Variants in POTEI observed in about 807,000 individuals in gnomAD.
POTEI encodes the protein POTE ankyrin domain family member I, also known as POTE ankyrin domain family, member I.
Under a neutral mutation model 43.4 loss-of-function variants are expected in POTEI, and 14 were observed. That is an observed-to-expected ratio of 0.32 (90% CI 0.21 to 0.50). The LOEUF is 0.50. Among genes scored for constraint, POTEI ranks in the 20% least tolerant of loss-of-function variants. The probability of loss-of-function intolerance (pLI) is 0.98; values close to 1 mark genes in which losing one functional copy is unlikely to be tolerated. For synonymous variants in POTEI, 95 were observed against 297.9 expected, an observed-to-expected ratio of 0.32 and a Z score of 7.01; for missense variants, 235 against 795.4, an observed-to-expected ratio of 0.30 and a Z score of 8.47.
chr2:130,483,599 G>GTTT (rs1319437395), intron 9 of POTEI, among the ~76,000 whole-genome samples: 5 of 29,172 alleles, frequency 1.7e-4, no homozygotes, highest in African/African-American at 5.7e-4. Flanking sequence ...TGTCAAACTT[G>GTTT]TTTTTTTTTT....
At chr2:130,490,213 CCA>C (rs1683691751) in intron 7 of POTEI, among the ~76,000 whole-genome samples, 1 of 100,788 alleles carries the variant, frequency 9.9e-6, no homozygotes, top group African/African-American at 3.5e-5. Context: ...AGCTCAGGGA[CCA>C]TCAGAGTTAC....
Position 130,479,287 on chromosome 2 carries a change from CA to C in POTEI, c.1481-2587del, listed in dbSNP as rs773220082. ...TTTCTTACAGGAAAAAAAAATTAAG[CA>C]AAACAAGTGAAAAAGGCATAACGAA... On this transcript the variant is annotated intron_variant, in intron 10 of 14. Transcript: ENST00000451531. Among the ~76,000 whole-genome samples the C allele has an allele frequency of 9.2e-4, 139 of 151,248 alleles. 1 individual carries two copies. Among genetic ancestry groups the C allele is most frequent in the Non-Finnish European group, 1.8e-3 (119 of 67,956 alleles).
At position 130,459,992 on chromosome 2, in the gene POTEI, T is replaced by C. The variant is rs1682575454; in HGVS notation, c.*2824A>G. The stretch of plus-strand genomic sequence containing the variant: ...GCAAGTAAAGCAAAACCCACCCGTG[T>C]AAACACACACAGCAAAGTGATTTAG... On this transcript the variant is annotated 3_prime_UTR_variant, in exon 15 of 15. Transcript: ENST00000451531. 6.8e-6 allele frequency: 1 copy of C among 147,812 alleles called. No individual in the cohort carries two copies. The allele number at this position is 147,812 out of a possible 1,614,324, so 9.2% of individuals were successfully genotyped here.
intron 9 of POTEI, among the ~76,000 whole-genome samples, chr2:130,483,957 A>T (rs928607587): frequency 2.0e-5 from 3 of 150,402 alleles, no homozygotes; most frequent in Non-Finnish European, 4.4e-5. Context: ...TTTAACAAGT[A>T]TTTATTAGGT....
chr2:130,498,014 C>A (rs7602315), intron 5 of POTEI, among the ~76,000 whole-genome samples: 139,722 of 141,274 alleles, frequency 0.99, 69,128 homozygotes, highest in East Asian at 1. Context: ...AAGTAGCTTC[C>A]ACGATTTTCA....
At chr2:130,478,642 T>G (rs1683286454) in intron 10 of POTEI, among the ~76,000 whole-genome samples, 1 of 132,662 alleles carries the variant, frequency 7.5e-6, no homozygotes, top group South Asian at 2.7e-4. Flanking sequence ...TAGGACCGAA[T>G]TTGCTGTGCT....
intron 8 of POTEI, among the ~76,000 whole-genome samples, chr2:130,488,664 C>T (rs1234089996): frequency 8.0e-6 from 1 of 124,590 alleles, no homozygotes; most frequent in Non-Finnish European, 1.7e-5. Flanking sequence ...GGAAGTTTGC[C>T]CTTTTCTGCG....
At chr2:130,479,154 T>C (rs1417985212) in intron 10 of POTEI, among the ~76,000 whole-genome samples, 1 of 140,728 alleles carries the variant, frequency 7.1e-6, no homozygotes, top group Non-Finnish European at 1.5e-5. Context: ...TAAATCATAT[T>C]GACTATACCT....
intron 5 of POTEI, chr2:130,497,867 CAT>C: frequency 2.4e-5 from 1 of 41,942 alleles, no homozygotes; most frequent in African/African-American, 6.3e-5. Flanking sequence ...TACTTTTACA[CAT>C]GATTAGTGAT....
chr2:130,488,614 A>G (rs1683652034), intron 8 of POTEI, among the ~76,000 whole-genome samples: 1 of 128,280 alleles, frequency 7.8e-6, no homozygotes, highest in African/African-American at 3.0e-5. Flanking sequence ...AAACAGTCAG[A>G]TTTAGAGGAT....
At chr2:130,464,771 A>T (rs2257271) in intron 14 of POTEI, among the ~76,000 whole-genome samples, 36 of 147,992 alleles carry the variant, frequency 2.4e-4, no homozygotes, top group African/African-American at 3.4e-4. Context: ...TAGGCATTCC[A>T]CTTCTACATA....
In POTEI at chr2:130,461,795, C is replaced by T. The variant is rs1427823431; in HGVS notation, c.*1021G>A. On this transcript the variant is annotated 3_prime_UTR_variant, in exon 15 of 15. Transcript: ENST00000451531. ...CTCTTCTGTCCCTCGTCGGTTTGTA[C>T]TCTCCAAAGCCCGCAGGCTGGAATG... 1 of 151,236 alleles carries T rather than the reference C, an allele frequency of 6.6e-6. No individual in the cohort carries two copies. Among genetic ancestry groups the T allele is most frequent in the African/African-American group, 2.4e-5 (1 of 41,178 alleles). 9.4% of individuals were successfully genotyped at this position (151,236 alleles called of 1,614,324 possible). A position where few individuals can be genotyped will look rare whatever the true frequency, so the allele number is the denominator to read the frequency against.
In POTEI at chr2:130,508,973, T is replaced by C; in HGVS notation, c.263A>G (p.Asp88Gly). 1.9e-6 allele frequency: 3 copies of C among 1,593,312 alleles called. No individual in the cohort carries two copies. The highest frequency in any genetic ancestry group is 1.1e-5 in the South Asian group (1 of 88,976). The change falls in exon 1 of 15, where the codon GAC becomes GGC. Residue 88 changes from aspartate (D) to glycine (G), a missense_variant. Physicochemically the swap from Asp to Gly is moderately conservative, Grantham distance 94. Coordinates refer to ENST00000451531, the MANE Select transcript of POTEI (RefSeq NM_001277406.2). Reference sequence around the variant, plus strand: ...GCTCCTGAGCGTCTTCATAGCGGAGTCGTCGTGGTCTCCAGAAGTGCCCAC... The same window carrying C: ...GCTCCTGAGCGTCTTCATAGCGGAGCCGTCGTGGTCTCCAGAAGTGCCCAC... Reference protein sequence around the residue: ...SNVGTSGDHDDSAMKTLRSKM... With the variant: ...SNVGTSGDHDGSAMKTLRSKM...
intron 14 of POTEI, among the ~76,000 whole-genome samples, chr2:130,464,939 C>A (rs1279909585): frequency 7.9e-5 from 12 of 151,084 alleles, no homozygotes; most frequent in Admixed American, 2.0e-4. Context: ...ACAAAAGAAA[C>A]CTTTTGTTTC....
intron 10 of POTEI, among the ~76,000 whole-genome samples, chr2:130,479,827 C>T (rs555798577): frequency 5.8e-5 from 2 of 34,462 alleles, no homozygotes; most frequent in African/African-American, 2.1e-4. Flanking sequence ...ATAGCCATTC[C>T]TCATTCTTTC....
At chr2:130,473,926 C>A (rs1210349295) in intron 13 of POTEI, among the ~76,000 whole-genome samples, 1 of 127,250 alleles carries the variant, frequency 7.9e-6, no homozygotes, top group Non-Finnish European at 1.7e-5. Flanking sequence ...GGGAACTAAA[C>A]ATGAGAACTC....
rs200421689 is a variant in POTEI, at chr2:130,483,362, A to AAAAAT, written c.1410-1294_1410-1290dup. On this transcript the variant is annotated intron_variant, in intron 9 of 14. Transcript: ENST00000451531. ...GCGATACAGTGAGACTCCATCTCAA[A>AAAAAT]AAAATAAAATAAAATAAAATAAAAT... Among the ~76,000 whole-genome samples the AAAAAT allele has an allele frequency of 7.3e-4, 46 of 62,836 alleles. 3 individuals carry two copies. The highest frequency in any genetic ancestry group is 2.2e-3 in the African/African-American group (42 of 19,170). The allele number at this position is 62,836 out of a possible 152,430, so 41.2% of individuals were successfully genotyped here.
intron 7 of POTEI, among the ~76,000 whole-genome samples, chr2:130,489,549 A>G (rs565028415): frequency 0.063 from 575 of 9,150 alleles, 40 homozygotes; most frequent in African/African-American, 0.065. Context: ...CGAAGAAAAA[A>G]AACGTGAACC....
rs193267622 is a variant in POTEI at position 130,504,847 on chromosome 2, G to A, written c.522-953C>T. On this transcript the variant is annotated intron_variant, in intron 1 of 14. Transcript: ENST00000451531. ...CAGATATTTCCAATCATTCATATTA[G>A]GATTTAAGACTGTTATAAATTTTCT... Among the ~76,000 whole-genome samples the A allele has an allele frequency of 4.9e-3, 714 of 145,628 alleles. 25 individuals carry two copies. The highest frequency in any genetic ancestry group is 0.014 in the Middle Eastern group (4 of 292).
Sources: allele counts gnomAD v4.1 joint callset (sites outside exome capture counted in the v4.1 genomes callset), GRCh38; gene constraint gnomAD v4.1.1; transcripts MANE v1.5; gene names NCBI Gene and HGNC (gene_info 2026-07-23, HGNC 2026-07-21).